Variants in HIVEP3 observed in about 807,000 individuals in gnomAD.
HIVEP3 encodes the protein HIVEP zinc finger 3, also known as transcription factor HIVEP3.
HIVEP3 carries 49 observed loss-of-function variants against 152.8 expected under a neutral mutation model. The observed-to-expected ratio is 0.32, with a 90% CI of 0.26 to 0.41. The LOEUF (loss-of-function observed/expected upper bound fraction) is 0.41. Ranked by LOEUF, HIVEP3 falls within the 10% of genes least tolerant of loss-of-function variation. The pLI, the probability that HIVEP3 is intolerant of heterozygous loss-of-function variation, is 1.00. For missense variants in HIVEP3, 2,790 were observed against 3,103.3 expected, an observed-to-expected ratio of 0.90 and a Z score of 2.40; for synonymous variants, 1,269 against 1,289.0, an observed-to-expected ratio of 0.98 and a Z score of 0.33.
At chr1:41,906,814 G>T (rs552736977) in intron 1 of HIVEP3, among the ~76,000 whole-genome samples, 3 of 147,870 alleles carry the variant, frequency 2.0e-5, no homozygotes, top group Non-Finnish European at 4.5e-5. Context: ...TTTGTTCCTT[G>T]TTCTTTCTTT....
At chr1:41,754,804 T>C (rs1005501348) in intron 1 of HIVEP3, among the ~76,000 whole-genome samples, 20 of 152,228 alleles carry the variant, frequency 1.3e-4, no homozygotes, top group Admixed American at 1.3e-3. Context: ...AAAATAAGGA[T>C]GTGAATAATT....
upstream of HIVEP3, among the ~76,000 whole-genome samples, chr1:41,921,329 T>C (rs1371352309): frequency 6.6e-6 from 1 of 152,210 alleles, no homozygotes; most frequent in Non-Finnish European, 1.5e-5. Context: ...AATCCCCACA[T>C]GTCATGGGAA....
intron 1 of HIVEP3, among the ~76,000 whole-genome samples, chr1:41,905,776 C>T (rs6600391): frequency 0.035 from 5,384 of 152,242 alleles, 306 homozygotes; most frequent in African/African-American, 0.12. Context: ...GGGACTAGCA[C>T]AGGTGGTGGC....
At chr1:41,572,209 A>T (rs1644260434) in intron 5 of HIVEP3, among the ~76,000 whole-genome samples, 1 of 152,182 alleles carries the variant, frequency 6.6e-6, no homozygotes. Context: ...CAGTGTCTGC[A>T]GTTCAGGGGT....
chr1:41,883,737 C>G (rs1644298810), intron 1 of HIVEP3, among the ~76,000 whole-genome samples: 1 of 152,170 alleles, frequency 6.6e-6, no homozygotes, highest in Non-Finnish European at 1.5e-5. Context: ...TCTGACAGCT[C>G]TGCAGGTTAT....
At chr1:41,570,978 G>A (rs1238838934) in intron 5 of HIVEP3, among the ~76,000 whole-genome samples, 2 of 152,132 alleles carry the variant, frequency 1.3e-5, no homozygotes, top group East Asian at 1.9e-4. Flanking sequence ...TTAAGTCTGG[G>A]TATGCTTAAG....
At chr1:41,732,049 G>A (rs546019558) in intron 1 of HIVEP3, among the ~76,000 whole-genome samples, 85 of 152,316 alleles carry the variant, frequency 5.6e-4, no homozygotes, top group African/African-American at 1.9e-3. Context: ...TGAGGACATG[G>A]TCCTCTAGGA....
chr1:41,802,082 A>G (rs1216782928), intron 1 of HIVEP3, among the ~76,000 whole-genome samples: 1 of 152,324 alleles, frequency 6.6e-6, no homozygotes, highest in East Asian at 1.9e-4. Context: ...AACTCTGCTC[A>G]ATGCTGGACT....
At chr1:41,995,460 C>T (rs139824303) in intron 1 of HIVEP3, among the ~76,000 whole-genome samples, 1 of 152,222 alleles carries the variant, frequency 6.6e-6, no homozygotes, top group African/African-American at 2.4e-5. Flanking sequence ...CAGACAAAAA[C>T]TGAATTTGCT....
At chr1:41,993,480 C>T (rs1167703577) in intron 1 of HIVEP3, among the ~76,000 whole-genome samples, 1 of 151,570 alleles carries the variant, frequency 6.6e-6, no homozygotes, top group East Asian at 1.9e-4. Flanking sequence ...GAATGGCAAT[C>T]ATTAAAAAGT....
intron 1 of HIVEP3, among the ~76,000 whole-genome samples, chr1:41,867,135 T>A (rs1643992067): frequency 6.6e-6 from 1 of 152,130 alleles, no homozygotes; most frequent in Non-Finnish European, 1.5e-5. Context: ...GAGGGGACAC[T>A]CCAGCAGGAA....
At chr1:42,009,293 G>A (rs568574767) in intron 1 of HIVEP3, among the ~76,000 whole-genome samples, 3 of 152,296 alleles carry the variant, frequency 2.0e-5, no homozygotes, top group Admixed American at 1.3e-4. Context: ...CGTTTCCCCT[G>A]TTGCTGAGAG....
intron 1 of HIVEP3, among the ~76,000 whole-genome samples, chr1:41,965,336 G>A (rs1408439887): frequency 2.0e-5 from 3 of 152,238 alleles, no homozygotes; most frequent in Non-Finnish European, 4.4e-5. Context: ...CAAAAAGCCA[G>A]AGTGCCTCTT....
intron 1 of HIVEP3, among the ~76,000 whole-genome samples, chr1:41,820,147 T>C (rs1642548845): frequency 6.6e-6 from 1 of 152,212 alleles, no homozygotes; most frequent in African/African-American, 2.4e-5. Flanking sequence ...ATTTTTTGTC[T>C]ATTTACTCTG....
At chr1:41,531,736 A>G (rs1414594360) in intron 5 of HIVEP3, among the ~76,000 whole-genome samples, 10 of 55,198 alleles carry the variant, frequency 1.8e-4, no homozygotes, top group African/African-American at 3.0e-4. Flanking sequence ...CAGGGGCGAT[A>G]GAGGACAGGA....
chr1:41,821,203 C>T (rs1041610263), intron 1 of HIVEP3, among the ~76,000 whole-genome samples: 1 of 152,126 alleles, frequency 6.6e-6, no homozygotes, highest in African/African-American at 2.4e-5. Context: ...TGTATTCTAT[C>T]CCTCCAGCTT....
chr1:41,626,581 G>A (rs1397265425), intron 3 of HIVEP3, among the ~76,000 whole-genome samples: 1 of 152,192 alleles, frequency 6.6e-6, no homozygotes, highest in Non-Finnish European at 1.5e-5. Context: ...TATCTGGCTT[G>A]CATCTCTCAG....
At chr1:41,789,706 G>T (rs560245583) in intron 1 of HIVEP3, among the ~76,000 whole-genome samples, 2 of 152,302 alleles carry the variant, frequency 1.3e-5, no homozygotes, top group African/African-American at 4.8e-5. Context: ...CTATTTGGGA[G>T]CTATTGATCT....
chr1:41,905,128 T>C (rs1034283790), intron 1 of HIVEP3, among the ~76,000 whole-genome samples: 9 of 152,196 alleles, frequency 5.9e-5, no homozygotes, highest in Non-Finnish European at 1.0e-4. Context: ...GCTTCCTACA[T>C]AGTTGATGTG....
Sources: gnomAD v4.1 joint callset for allele counts (sites outside exome capture counted in the v4.1 genomes callset) on GRCh38, gnomAD v4.1.1 for gene constraint, MANE v1.5 for transcripts, NCBI Gene and HGNC (gene_info 2026-07-23, HGNC 2026-07-21) for gene names.